Variants in MYO3A observed in about 807,000 individuals in gnomAD.
MYO3A encodes the protein myosin-IIIa.
A neutral mutation model predicts 192.7 loss-of-function variants in MYO3A; 180 were observed. That is an observed-to-expected ratio of 0.93 (90% CI 0.83 to 1.06). MYO3A has a LOEUF of 1.06. Among genes scored for constraint, MYO3A ranks in the 50% least tolerant of loss-of-function variants. The pLI is 0.00. For synonymous variants in MYO3A, 628 were observed against 645.3 expected (o/e 0.97, Z 0.41); for missense variants, 1,896 against 1,905.0 (o/e 1.00, Z 0.09).
chr10:26,149,145 T>A (rs1320123887), intron 23 of MYO3A, among the ~76,000 whole-genome samples: 1 of 152,094 alleles, frequency 6.6e-6, no homozygotes, highest in Non-Finnish European at 1.5e-5. Context: ...ATAGAAGCCC[T>A]TTATCAGGGG....
chr10:26,021,410 C>A, intron 7 of MYO3A, 93 bp from the exon 8 acceptor site: 1 of 1,445,278 alleles, frequency 6.9e-7, no homozygotes. Flanking sequence ...CAAACTTCAC[C>A]AGTTTAAATA....
At chr10:26,043,545 A>T (rs1051880939) in intron 10 of MYO3A, among the ~76,000 whole-genome samples, 1 of 151,444 alleles carries the variant, frequency 6.6e-6, no homozygotes, top group Non-Finnish European at 1.5e-5. Context: ...AGTCTTTCCC[A>T]CTCTTACCTC....
At chr10:25,958,548 G>T (rs1033729324) in intron 4 of MYO3A, among the ~76,000 whole-genome samples, 1 of 152,004 alleles carries the variant, frequency 6.6e-6, no homozygotes, top group African/African-American at 2.4e-5. Flanking sequence ...TTGTTTTTTT[G>T]CTTAGGATTG....
At chr10:26,142,252 C>T (rs1840207376) in intron 20 of MYO3A, among the ~76,000 whole-genome samples, 1 of 152,224 alleles carries the variant, frequency 6.6e-6, no homozygotes, top group Non-Finnish European at 1.5e-5. Context: ...TATACACTTA[C>T]CCAGGAATGG....
At chr10:25,984,023 T>A (rs2130812034) in intron 4 of MYO3A, among the ~76,000 whole-genome samples, 1 of 152,276 alleles carries the variant, frequency 6.6e-6, no homozygotes, top group African/African-American at 2.4e-5. Flanking sequence ...GCTTCATAAA[T>A]GAAGGAAAGA....
intron 4 of MYO3A, among the ~76,000 whole-genome samples, chr10:25,962,973 T>C (rs1838032588): frequency 6.6e-6 from 1 of 152,226 alleles, no homozygotes; most frequent in Non-Finnish European, 1.5e-5. Flanking sequence ...TCAGCCATAA[T>C]GAATCCAAAA....
At chr10:25,961,608 T>C (rs907371539) in intron 4 of MYO3A, among the ~76,000 whole-genome samples, 25 of 152,004 alleles carry the variant, frequency 1.6e-4, no homozygotes, top group Non-Finnish European at 2.9e-5. Flanking sequence ...ATTTCCAAAA[T>C]CTGATCTACT....
At chr10:26,188,312 A>G (rs1358674624) in intron 31 of MYO3A, among the ~76,000 whole-genome samples, 1 of 152,076 alleles carries the variant, frequency 6.6e-6, no homozygotes, top group Non-Finnish European at 1.5e-5. Flanking sequence ...GTCTGTTCAT[A>G]TCCTTCGCCC....
intron 2 of MYO3A, among the ~76,000 whole-genome samples, chr10:25,950,976 A>T (rs1029604719): frequency 2.0e-5 from 3 of 152,172 alleles, no homozygotes; most frequent in Non-Finnish European, 4.4e-5. Flanking sequence ...TATAGAAATG[A>T]TATAATATAG....
intron 4 of MYO3A, among the ~76,000 whole-genome samples, chr10:25,988,511 G>A (rs1266497827): frequency 5.9e-5 from 9 of 152,156 alleles, no homozygotes; most frequent in Admixed American, 1.3e-4. Context: ...CATAGCCACC[G>A]TGGGAAACAG....
At chr10:26,079,132 G>A (rs1367510015) in intron 14 of MYO3A, among the ~76,000 whole-genome samples, 4 of 152,092 alleles carry the variant, frequency 2.6e-5, no homozygotes, top group Non-Finnish European at 4.4e-5. Flanking sequence ...CACTATAATT[G>A]TGTTGCTGTC....
chr10:26,001,314 C>A (rs573564602), intron 6 of MYO3A, among the ~76,000 whole-genome samples: 1 of 152,280 alleles, frequency 6.6e-6, no homozygotes, highest in Non-Finnish European at 1.5e-5. Flanking sequence ...CTTTAGTTTT[C>A]CAGAAACCTG....
intron 23 of MYO3A, among the ~76,000 whole-genome samples, chr10:26,147,937 G>A (rs565292172): frequency 3.9e-5 from 6 of 152,198 alleles, no homozygotes; most frequent in South Asian, 2.1e-4. Flanking sequence ...AAAAATGGAC[G>A]TGTCTTTGTT....
intron 4 of MYO3A, among the ~76,000 whole-genome samples, chr10:25,972,038 T>G (rs1838681710): frequency 6.6e-6 from 1 of 152,244 alleles, no homozygotes; most frequent in Non-Finnish European, 1.5e-5. Context: ...TCATTAAATT[T>G]GAAAATTATC....
At chr10:26,072,147 C>T (rs1835245228) in intron 14 of MYO3A, among the ~76,000 whole-genome samples, 1 of 152,134 alleles carries the variant, frequency 6.6e-6, no homozygotes, top group Non-Finnish European at 1.5e-5. Context: ...CTCATGAGAA[C>T]AGCATGGGGG....
intron 29 of MYO3A, among the ~76,000 whole-genome samples, chr10:26,170,812 C>T (rs927911578): frequency 1.6e-4 from 25 of 152,228 alleles, no homozygotes; most frequent in South Asian, 1.0e-3. Flanking sequence ...CCAATCCCCA[C>T]ATTTAAATCC....
chr10:26,183,831 C>G (rs771840539), intron 31 of MYO3A, among the ~76,000 whole-genome samples: 7 of 152,158 alleles, frequency 4.6e-5, no homozygotes, highest in Admixed American at 6.5e-5. Flanking sequence ...TAGGGACACT[C>G]AGAGCAGGAC....
At chr10:26,114,888 C>T (rs922087966) in intron 17 of MYO3A, among the ~76,000 whole-genome samples, 13 of 151,986 alleles carry the variant, frequency 8.6e-5, no homozygotes, top group African/African-American at 3.1e-4. Flanking sequence ...GAGAATTTCA[C>T]GGAAACACGA....
intron 4 of MYO3A, among the ~76,000 whole-genome samples, chr10:25,961,904 A>C (rs1837952920): frequency 6.6e-6 from 1 of 152,178 alleles, no homozygotes; most frequent in Non-Finnish European, 1.5e-5. Flanking sequence ...GAGGGTACCA[A>C]AAGAGGGGCA....
Sources: gnomAD v4.1 joint callset for allele counts (sites outside exome capture counted in the v4.1 genomes callset) on GRCh38, gnomAD v4.1.1 for gene constraint, MANE v1.5 for transcripts, NCBI Gene and HGNC (gene_info 2026-07-23, HGNC 2026-07-21) for gene names.